Variants in CTNNA3 observed in about 807,000 individuals in gnomAD.
The protein encoded by CTNNA3 is catenin alpha-3.
CTNNA3 carries 76 observed loss-of-function variants against 95.7 expected under a neutral mutation model. The ratio of observed to expected loss-of-function variants is 0.79; its 90% CI spans 0.66 to 0.96. The LOEUF (loss-of-function observed/expected upper bound fraction) is 0.96. CTNNA3 is among the 40% of genes least tolerant of loss of function. CTNNA3 has a pLI of 0.00. For missense variants in CTNNA3, 1,191 were observed against 1,089.8 expected, an observed-to-expected ratio of 1.09 and a Z score of -1.31; for synonymous variants, 431 against 374.4, an observed-to-expected ratio of 1.15 and a Z score of -1.74.
At chr10:66,118,679 C>G (rs141400573) in intron 13 of CTNNA3, among the ~76,000 whole-genome samples, 112 of 152,178 alleles carry the variant, frequency 7.4e-4, no homozygotes, top group Admixed American at 5.8e-3. Context: ...TATGCAGAAA[C>G]CAGTAATAAT....
At chr10:66,337,134 C>T (rs1245985664) in intron 12 of CTNNA3, among the ~76,000 whole-genome samples, 1 of 151,918 alleles carries the variant, frequency 6.6e-6, no homozygotes, top group East Asian at 1.9e-4. Context: ...ATGTTAACTT[C>T]TAATGGGTTT....
chr10:66,778,166 C>G (rs182784456), intron 7 of CTNNA3, among the ~76,000 whole-genome samples: 2 of 152,286 alleles, frequency 1.3e-5, no homozygotes, highest in Admixed American at 1.3e-4. Context: ...CCCCTATCCC[C>G]AACCACAATC....
chr10:67,527,988 A>C (rs1840201656), intron 4 of CTNNA3, among the ~76,000 whole-genome samples: 1 of 152,206 alleles, frequency 6.6e-6, no homozygotes, highest in Admixed American at 6.5e-5. Context: ...TCTGCTCATT[A>C]AACAAAGCCA....
At chr10:66,963,311 T>C (rs1033396936) in intron 7 of CTNNA3, among the ~76,000 whole-genome samples, 14 of 152,188 alleles carry the variant, frequency 9.2e-5, no homozygotes, top group Admixed American at 2.6e-4. Flanking sequence ...TTGTGAGCTG[T>C]GTAGCACTGG....
intron 11 of CTNNA3, among the ~76,000 whole-genome samples, chr10:66,401,658 CTTTT>C (rs540003137): frequency 8.6e-6 from 1 of 116,298 alleles, no homozygotes. Context: ...CCATTTCTTT[CTTTT>C]TTTTTTTTTT....
At chr10:67,663,786 A>G (rs1564817760) in intron 1 of CTNNA3, among the ~76,000 whole-genome samples, 2 of 152,246 alleles carry the variant, frequency 1.3e-5, no homozygotes, top group Admixed American at 1.3e-4. Context: ...CGCAAATTTT[A>G]ACTACTACCC....
chr10:66,343,502 C>T (rs1418308288), intron 12 of CTNNA3, among the ~76,000 whole-genome samples: 1 of 151,426 alleles, frequency 6.6e-6, no homozygotes, highest in Non-Finnish European at 1.5e-5. Context: ...CACTTTCTTA[C>T]TCAAATGTGG....
intron 16 of CTNNA3, among the ~76,000 whole-genome samples, chr10:65,976,665 A>G (rs2078212156): frequency 6.6e-6 from 1 of 152,184 alleles, no homozygotes; most frequent in Non-Finnish European, 1.5e-5. Context: ...TCCCATTGAC[A>G]TGCAGAAAGC....
intron 11 of CTNNA3, among the ~76,000 whole-genome samples, chr10:66,393,923 C>A (rs2092953966): frequency 6.6e-6 from 1 of 151,892 alleles, no homozygotes; most frequent in Non-Finnish European, 1.5e-5. Context: ...ATAAAAAATG[C>A]TAAAGTCTCA....
At chr10:67,534,479 A>G (rs973086900) in intron 4 of CTNNA3, among the ~76,000 whole-genome samples, 1 of 152,156 alleles carries the variant, frequency 6.6e-6, no homozygotes, top group Non-Finnish European at 1.5e-5. Flanking sequence ...GTAGCTAGAG[A>G]AAAAATGTGG....
chr10:67,624,168 G>A (rs1843944585), intron 2 of CTNNA3, among the ~76,000 whole-genome samples: 2 of 152,112 alleles, frequency 1.3e-5, no homozygotes, highest in African/African-American at 4.8e-5. Flanking sequence ...ACACTGGAAG[G>A]AGCTTTACTT....
Position 67,609,090 on chromosome 10 carries a change from C to CAAAAA in CTNNA3, c.100-2046_100-2042dup, listed in dbSNP as rs397977100. Among the ~76,000 whole-genome samples, 174 of 79,534 alleles carry CAAAAA rather than the reference C, an allele frequency of 2.2e-3. 4 individuals are homozygous for CAAAAA. The South Asian group carries it at 0.035, about 16-fold the overall frequency. The allele number at this position is 79,534 out of a possible 152,430, so 52.2% of individuals were successfully genotyped here. ...GGGCAACAAGGGCAAAACTCTATCT[C>CAAAAA]AAAAAAAAAAAAAAAAAAAACAACC... On this transcript the variant is annotated intron_variant, in intron 2 of 17. Transcript: ENST00000433211.
chr10:66,322,343 G>A (rs1000077614), intron 12 of CTNNA3, among the ~76,000 whole-genome samples: 4 of 152,078 alleles, frequency 2.6e-5, no homozygotes, highest in Admixed American at 6.5e-5. Flanking sequence ...TGGAACAAAT[G>A]AGGAATGTCC....
At chr10:66,344,716 T>C (rs534199067) in intron 12 of CTNNA3, among the ~76,000 whole-genome samples, 186 of 152,212 alleles carry the variant, frequency 1.2e-3, no homozygotes, top group African/African-American at 4.4e-3. Flanking sequence ...TTTATGAAAG[T>C]TTATGATTTC....
chr10:67,539,473 C>G, intron 4 of CTNNA3, 30 bp downstream of exon 4: 1 of 1,607,960 alleles, frequency 6.2e-7, no homozygotes, highest in Non-Finnish European at 8.5e-7. Flanking sequence ...GAAGACAATG[C>G]CAAGGTAAAC....
At chr10:66,825,368 C>T (rs369497120) in intron 7 of CTNNA3, among the ~76,000 whole-genome samples, 6 of 150,982 alleles carry the variant, frequency 4.0e-5, no homozygotes, top group Non-Finnish European at 7.4e-5. Context: ...CTCCTCCTTC[C>T]GGGTTCAAGC....
intron 5 of CTNNA3, among the ~76,000 whole-genome samples, chr10:67,378,942 A>T (rs1843805629): frequency 6.6e-6 from 1 of 152,196 alleles, no homozygotes; most frequent in Non-Finnish European, 1.5e-5. Context: ...AATAATGGGC[A>T]CTTGATACAT....
intron 10 of CTNNA3, among the ~76,000 whole-genome samples, chr10:66,523,085 C>T (rs1481635695): frequency 6.6e-6 from 1 of 152,118 alleles, no homozygotes. Flanking sequence ...TTAGAAATAA[C>T]TACTGTGCAG....
rs189908658 is a variant in CTNNA3, at chr10:67,366,938, A to T, written c.580-147068T>A. ...TAGGTTAAAAATTTTCAAAAAGTTTAAAAAAAAAGGTGGATTGCAGACTTA... is the reference window on the plus strand; with the variant it reads ...TAGGTTAAAAATTTTCAAAAAGTTTTAAAAAAAAGGTGGATTGCAGACTTA... On this transcript the variant is annotated intron_variant, in intron 5 of 17. Coordinates refer to ENST00000433211, the MANE Select transcript of CTNNA3 (RefSeq NM_013266.4). Among the ~76,000 whole-genome samples the T allele has an allele frequency of 2.6e-3, 399 of 151,160 alleles. 3 individuals carry two copies. Among genetic ancestry groups the T allele is most frequent in the Middle Eastern group, 0.01 (3 of 294 alleles).
Sources: gnomAD v4.1 joint callset for allele counts (sites outside exome capture counted in the v4.1 genomes callset) on GRCh38, gnomAD v4.1.1 for gene constraint, MANE v1.5 for transcripts, NCBI Gene and HGNC (gene_info 2026-07-23, HGNC 2026-07-21) for gene names.